The following CAB39L variants were observed in gnomAD, a reference collection of about 807,000 sequenced individuals.
The protein encoded by CAB39L is calcium binding protein 39 like, also known as calcium-binding protein 39-like.
CAB39L carries 23 observed loss-of-function variants against 39.1 expected under a neutral mutation model. The ratio of observed to expected loss-of-function variants is 0.59; its 90% CI spans 0.42 to 0.83. The LOEUF is 0.83. Ranked by LOEUF, CAB39L falls within the 40% of genes least tolerant of loss-of-function variation. The probability of loss-of-function intolerance (pLI) is 0.00; values close to 1 mark genes in which losing one functional copy is unlikely to be tolerated. For missense variants in CAB39L, 366 were observed against 391.9 expected (o/e 0.93, Z 0.56); for synonymous variants, 126 against 137.2 (o/e 0.92, Z 0.57).
At chr13:49,442,051 A>G (rs1189977597) in intron 1 of CAB39L, among the ~76,000 whole-genome samples, 5 of 152,224 alleles carry the variant, frequency 3.3e-5, no homozygotes, top group Non-Finnish European at 7.4e-5. Context: ...TTGTTTTGAC[A>G]TTCTGAGTAA....
At chr13:49,331,853 C>T (rs1212440994) in intron 10 of CAB39L, 94 bp downstream of exon 10, 1 of 1,151,730 alleles carries the variant, frequency 8.7e-7, no homozygotes, top group Non-Finnish European at 1.2e-6. Context: ...CATTTTCTTT[C>T]AAGTATGAAG....
intron 3 of CAB39L, among the ~76,000 whole-genome samples, chr13:49,388,963 G>A (rs558989811): frequency 6.6e-6 from 1 of 152,084 alleles, no homozygotes; most frequent in African/African-American, 2.4e-5. Flanking sequence ...CAACAAAAGC[G>A]GGGGAACATG....
At chr13:49,400,944 G>C (rs1263582748) in intron 3 of CAB39L, among the ~76,000 whole-genome samples, 1 of 151,690 alleles carries the variant, frequency 6.6e-6, no homozygotes, top group Non-Finnish European at 1.5e-5. Flanking sequence ...AGGCAACAGA[G>C]AAGTATTGTT....
intron 6 of CAB39L, among the ~76,000 whole-genome samples, chr13:49,355,165 C>T (rs1955451269): frequency 1.3e-5 from 2 of 150,020 alleles, no homozygotes; most frequent in East Asian, 3.9e-4. Flanking sequence ...TGCTTGAGCC[C>T]AGGAGTTTGA....
chr13:49,439,773 A>T (rs932769261), intron 1 of CAB39L, among the ~76,000 whole-genome samples: 1 of 152,168 alleles, frequency 6.6e-6, no homozygotes, highest in Non-Finnish European at 1.5e-5. Context: ...AGTAAGAGCC[A>T]TTCTGACTGG....
chr13:49,374,379 G>A (rs1200910864), intron 5 of CAB39L, among the ~76,000 whole-genome samples: 1 of 152,072 alleles, frequency 6.6e-6, no homozygotes, highest in Admixed American at 6.6e-5. Context: ...ATTTAACTCT[G>A]CATTTGAAGG....
chr13:49,375,614 G>A (rs574376984), intron 5 of CAB39L, among the ~76,000 whole-genome samples: 1 of 152,162 alleles, frequency 6.6e-6, no homozygotes, highest in East Asian at 1.9e-4. Context: ...CTGGGACACA[G>A]GAAGGGGAAA....
chr13:49,339,855 T>C (rs1172245058), intron 8 of CAB39L, 113 bp from the exon 9 acceptor site: 3 of 1,237,150 alleles, frequency 2.4e-6, no homozygotes, highest in Admixed American at 4.2e-5. Flanking sequence ...CATTTTACCA[T>C]CCTTCTTTAC....
rs548976225 is a variant in CAB39L at position 49,434,186 on chromosome 13, C to T, written c.-208G>A. The T allele has an allele frequency of 1.3e-5, 6 of 455,978 alleles. No homozygotes were observed. The highest frequency in any genetic ancestry group is 9.3e-5 in the South Asian group (6 of 64,340). The allele number at this position is 455,978 out of a possible 1,614,324, so 28.2% of individuals were successfully genotyped here. On this transcript the variant is annotated 5_prime_UTR_variant, in exon 2 of 11. Transcript: ENST00000409308. ...CTGAACAGCAACTTAGAACACTTTGCTCCTGATATTCTTTCTTCTCAATAT... is the reference window on the plus strand; with the variant it reads ...CTGAACAGCAACTTAGAACACTTTGTTCCTGATATTCTTTCTTCTCAATAT...
intron 7 of CAB39L, among the ~76,000 whole-genome samples, chr13:49,346,321 C>A (rs1593957192): frequency 7.2e-6 from 1 of 139,204 alleles, no homozygotes; most frequent in Non-Finnish European, 1.5e-5. Flanking sequence ...CATTATAGAT[C>A]ACATAACTGA....
intron 3 of CAB39L, chr13:49,413,136 A>G (rs1181160418): frequency 6.6e-6 from 1 of 152,032 alleles, no homozygotes; most frequent in Non-Finnish European, 1.5e-5. Context: ...AAAACAAAAA[A>G]CCTTAGCTAT....
intron 6 of CAB39L, among the ~76,000 whole-genome samples, chr13:49,353,775 GATATGTTTTACTT>G (rs1955418858): frequency 6.6e-6 from 1 of 151,952 alleles, no homozygotes; most frequent in African/African-American, 2.4e-5. Flanking sequence ...AATTGTTGGG[GATATGTTTTACTT>G]ATCCTGTTAC....
At chr13:49,348,419 T>G (rs1955243199) in intron 7 of CAB39L, among the ~76,000 whole-genome samples, 1 of 152,006 alleles carries the variant, frequency 6.6e-6, no homozygotes, top group African/African-American at 2.4e-5. Context: ...AATGCAAAAA[T>G]TAGCCGAGCA....
At chr13:49,349,694 G>A (rs1158449661) in intron 7 of CAB39L, among the ~76,000 whole-genome samples, 1 of 151,770 alleles carries the variant, frequency 6.6e-6, no homozygotes, top group African/African-American at 2.4e-5. Context: ...AATAATTCTA[G>A]CTAACTTGAT....
At chr13:49,345,534 T>C (rs1387797484) in intron 7 of CAB39L, among the ~76,000 whole-genome samples, 1 of 152,154 alleles carries the variant, frequency 6.6e-6, no homozygotes, top group African/African-American at 2.4e-5. Flanking sequence ...GTCAAAGGTC[T>C]TGATTCAAAC....
intron 3 of CAB39L, among the ~76,000 whole-genome samples, chr13:49,405,709 GAA>G (rs1162231035): frequency 2.2e-5 from 3 of 135,822 alleles, no homozygotes; most frequent in Non-Finnish European, 3.1e-5. Context: ...AAGAAAGAAA[GAA>G]AGAGAGAGAG....
At chr13:49,378,752 G>T (rs1956175112) in intron 4 of CAB39L, among the ~76,000 whole-genome samples, 2 of 46,382 alleles carry the variant, frequency 4.3e-5, no homozygotes, top group Admixed American at 1.5e-4. Flanking sequence ...CGCCCCGTCC[G>T]GGAGGGAGGT....
chr13:49,313,347 G>T (rs949480826), intron 10 of CAB39L, among the ~76,000 whole-genome samples: 1 of 152,120 alleles, frequency 6.6e-6, no homozygotes, highest in Non-Finnish European at 1.5e-5. Flanking sequence ...CAGGCGTGGT[G>T]GCGGGCGCCT....
intron 3 of CAB39L, among the ~76,000 whole-genome samples, chr13:49,402,132 T>C (rs944958653): frequency 1.3e-5 from 2 of 152,168 alleles, no homozygotes; most frequent in Non-Finnish European, 2.9e-5. Flanking sequence ...AATGTAATTA[T>C]TGCTGTTGGA....
Sources: gnomAD v4.1 joint callset for allele counts (sites outside exome capture counted in the v4.1 genomes callset) on GRCh38, gnomAD v4.1.1 for gene constraint, MANE v1.5 for transcripts, NCBI Gene and HGNC (gene_info 2026-07-23, HGNC 2026-07-21) for gene names.